YIPF6: variants seen among roughly 807,000 people sequenced by gnomAD.
YIPF6 encodes the protein protein YIPF6.
A neutral mutation model predicts 16.8 loss-of-function variants in YIPF6; 3 were observed. That is an observed-to-expected ratio of 0.18 (90% CI 0.08 to 0.46). YIPF6 has a LOEUF of 0.46. Among genes scored for constraint, YIPF6 ranks in the 20% least tolerant of loss-of-function variants. YIPF6 has a pLI of 0.98. For synonymous variants in YIPF6, 67 were observed against 61.9 expected, an observed-to-expected ratio of 1.08 and a Z score of -0.38; for missense variants, 145 against 184.9, an observed-to-expected ratio of 0.78 and a Z score of 1.25.
intron 1 of YIPF6, 117 bp downstream of exon 1, chrX:68,499,240 C>CTTGT (rs2079031661): frequency 2.1e-6 from 2 of 952,419 alleles, no homozygotes; most frequent in East Asian, 7.1e-5. Context: ...GCAGGCCCTT[C>CTTGT]TTGTACCCGA....
rs2079183583 is a variant in YIPF6, at chrX:68,534,387, A to T, written c.*2388A>T. ...TAGCATGCCTATACATGATGTTAAC[A>T]TCATTCTCGAACAGTTGTTGGCCGA... is the stretch of plus-strand genomic sequence containing the variant. On this transcript the variant is annotated 3_prime_UTR_variant, in exon 7 of 7. Coordinates refer to ENST00000462683, the MANE Select transcript of YIPF6 (RefSeq NM_173834.4). 9.0e-6 allele frequency: 1 copy of T among 111,599 alleles called. No homozygotes were observed. Among genetic ancestry groups the T allele is most frequent in the Non-Finnish European group, 1.9e-5 (1 of 53,111 alleles). The allele number at this position is 111,599 out of a possible 1,213,427, so 9.2% of individuals were successfully genotyped here. A position where few individuals can be genotyped will look rare whatever the true frequency, so the allele number is the denominator to read the frequency against.
chrX:68,500,675 C>T (rs1201057284), intron 1 of YIPF6, among the ~76,000 whole-genome samples: 3 of 111,646 alleles, frequency 2.7e-5, no homozygotes, highest in Non-Finnish European at 5.6e-5. Context: ...GATCAGTGAA[C>T]TTAATTCTAG....
intron 1 of YIPF6, 87 bp downstream of exon 1, chrX:68,499,210 G>A (rs1308973826): frequency 3.7e-6 from 4 of 1,075,548 alleles, no homozygotes; most frequent in Admixed American, 7.3e-5. Context: ...TGGCCTGAGA[G>A]CCGGAGCTCC....
intron 6 of YIPF6, among the ~76,000 whole-genome samples, chrX:68,528,898 G>A (rs1260606865): frequency 9.0e-6 from 1 of 111,321 alleles, no homozygotes; most frequent in Non-Finnish European, 1.9e-5. Flanking sequence ...TTTCTCTCTG[G>A]CTGCCTTTAA....
intron 3 of YIPF6, among the ~76,000 whole-genome samples, chrX:68,515,626 C>T (rs2147821701): frequency 9.1e-6 from 1 of 110,007 alleles, no homozygotes; most frequent in South Asian, 3.9e-4. Context: ...ATGCCTTCTT[C>T]TGGAATATCT....
rs1307132520 is a variant in YIPF6, at chrX:68,536,333, C to T, written c.*4334C>T. On this transcript the variant is annotated 3_prime_UTR_variant, in exon 7 of 7. Transcript: ENST00000462683. ...TGCTTCTCATGCATCTCCTGTAATA[C>T]CAGTGCTACAATTCTCATTTTATGT... is the stretch of plus-strand genomic sequence containing the variant. The T allele has an allele frequency of 1.8e-5, 2 of 111,514 alleles. No individual in the cohort carries two copies. Among genetic ancestry groups the T allele is most frequent in the African/African-American group, 6.5e-5 (2 of 30,685 alleles). 9.2% of individuals were successfully genotyped at this position (111,514 alleles called of 1,213,427 possible).
chrX:68,521,572 C>T, intron 5 of YIPF6, 75 bp downstream of exon 5: 1 of 1,067,599 alleles, frequency 9.4e-7, no homozygotes. Flanking sequence ...TACAGGCTAG[C>T]TAGATTTTTT....
Sources: allele counts gnomAD v4.1 joint callset (sites outside exome capture counted in the v4.1 genomes callset), GRCh38; gene constraint gnomAD v4.1.1; transcripts MANE v1.5; gene names NCBI Gene and HGNC (gene_info 2026-07-23, HGNC 2026-07-21).